Variants in CNTN1 observed in about 807,000 individuals in gnomAD.
CNTN1 encodes contactin 1, also known as contactin-1.
Under a neutral mutation model 126.4 loss-of-function variants are expected in CNTN1, and 38 were observed. The ratio of observed to expected loss-of-function variants is 0.30; its 90% CI spans 0.23 to 0.39. CNTN1 has a LOEUF of 0.39. CNTN1 is among the 10% of genes least tolerant of loss of function. The pLI, the probability that CNTN1 is intolerant of heterozygous loss-of-function variation, is 1.00. For missense variants in CNTN1, 1,009 were observed against 1,248.4 expected (o/e 0.81, Z 2.89); for synonymous variants, 413 against 422.6 (o/e 0.98, Z 0.28).
At chr12:40,899,729 A>T (rs1944540788) in intron 1 of CNTN1, among the ~76,000 whole-genome samples, 1 of 152,196 alleles carries the variant, frequency 6.6e-6, no homozygotes, top group Non-Finnish European at 1.5e-5. Flanking sequence ...GGAAAACTTG[A>T]TTAAAATGAA....
intron 1 of CNTN1, among the ~76,000 whole-genome samples, chr12:40,871,864 A>G (rs1229882195): frequency 1.3e-5 from 2 of 152,142 alleles, no homozygotes; most frequent in Non-Finnish European, 2.9e-5. Flanking sequence ...TTGGCCAACT[A>G]TGAGAAGGAA....
chr12:40,982,642 G>A (rs1274413617), intron 16 of CNTN1, among the ~76,000 whole-genome samples: 4 of 152,094 alleles, frequency 2.6e-5, no homozygotes, highest in Non-Finnish European at 5.9e-5. Context: ...AGTCCCCACT[G>A]TGTGCCAGAA....
At chr12:40,746,632 C>T (rs752443532) in intron 1 of CNTN1, among the ~76,000 whole-genome samples, 4 of 152,058 alleles carry the variant, frequency 2.6e-5, no homozygotes, top group African/African-American at 7.2e-5. Flanking sequence ...TCTTGCATCC[C>T]GTTTCCCTTG....
At chr12:40,989,961 T>C (rs1349863423) in intron 16 of CNTN1, among the ~76,000 whole-genome samples, 1 of 152,052 alleles carries the variant, frequency 6.6e-6, no homozygotes, top group Non-Finnish European at 1.5e-5. Context: ...AATTATGTAC[T>C]TCTGATGTGG....
intron 17 of CNTN1, among the ~76,000 whole-genome samples, chr12:41,009,689 G>C (rs1207631592): frequency 1.3e-5 from 2 of 152,200 alleles, no homozygotes; most frequent in South Asian, 2.1e-4. Context: ...AAGAGGCCCT[G>C]CATCATCAGG....
intron 15 of CNTN1, chr12:40,972,469 T>G: frequency 5.1e-6 from 5 of 978,674 alleles, no homozygotes; most frequent in Non-Finnish European, 6.1e-6. Context: ...CTCTTTTACT[T>G]CATCTAGCAA....
At chr12:40,712,903 C>A (rs903924742) in intron 1 of CNTN1, among the ~76,000 whole-genome samples, 4 of 152,006 alleles carry the variant, frequency 2.6e-5, no homozygotes, top group Non-Finnish European at 4.4e-5. Context: ...CCCTCATGAA[C>A]GGCTTGCTGT....
rs1941560616 is a variant in CNTN1, at chr12:40,824,908, A to C, written c.-76-83449A>C. Among the ~76,000 whole-genome samples, 3 of 152,152 alleles carry C rather than the reference A, an allele frequency of 2.0e-5. No individual in the cohort carries two copies. The South Asian group carries it at 6.2e-4, about 32-fold the overall frequency. Reference sequence around the variant, plus strand: ...AATAATTAACATTTATCTAGCAGTTATTTTACATATAGACACAGTTCTATG... The same window carrying C: ...AATAATTAACATTTATCTAGCAGTTCTTTTACATATAGACACAGTTCTATG... On this transcript the variant is annotated intron_variant, in intron 1 of 23. Coordinates refer to ENST00000551295, the MANE Select transcript of CNTN1 (RefSeq NM_001843.4).
At chr12:40,922,536 T>G (rs1015586469) in intron 5 of CNTN1, 108 bp downstream of exon 5, 23 of 995,194 alleles carry the variant, frequency 2.3e-5, no homozygotes, top group Non-Finnish European at 3.3e-5. Context: ...ATGAGGTGGA[T>G]CTTACAAGAT....
At position 40,937,591 on chromosome 12, in the gene CNTN1, C is replaced by A. The variant is rs762943027; in HGVS notation, c.1132C>A (p.Leu378Met). The change falls in exon 11 of 24, where the codon CTG becomes ATG. Residue 378 changes from leucine to methionine, a missense_variant. Transcript: ENST00000551295. The part of the protein sequence containing the change: ...GYAYHKGELR[L>M]YDVTFENAGM... ...TCAGTATCATAAAGGGGAATTAAGA[C>A]TGTATGATGTGACTTTTGAAAATGC... 1 of 1,606,414 alleles carries A rather than the reference C, an allele frequency of 6.2e-7. No individual in the cohort carries two copies.
intron 1 of CNTN1, among the ~76,000 whole-genome samples, chr12:40,752,522 G>T (rs976301598): frequency 1.2e-4 from 18 of 152,006 alleles, no homozygotes; most frequent in African/African-American, 4.1e-4. Flanking sequence ...AGAGGATCGG[G>T]CTTACCTCAC....
At position 40,992,071 on chromosome 12, in the gene CNTN1, G is replaced by A. The variant is rs190425031; in HGVS notation, c.1964-1049G>A. On this transcript the variant is annotated intron_variant, in intron 16 of 23. Coordinates refer to ENST00000551295, the MANE Select transcript of CNTN1 (RefSeq NM_001843.4). ...AATCTTAATAAATCAAAACAGAGGC[G>A]AAGGTAAAGGGAAAATTTTAATCAG... Among the ~76,000 whole-genome samples the A allele has an allele frequency of 3.6e-3, 550 of 152,280 alleles. 2 individuals carry two copies. Among genetic ancestry groups the A allele is most frequent in the African/African-American group, 0.012 (498 of 41,558 alleles).
chr12:40,984,773 G>A (rs190853488), intron 16 of CNTN1, among the ~76,000 whole-genome samples: 3 of 151,980 alleles, frequency 2.0e-5, no homozygotes, highest in East Asian at 3.9e-4. Context: ...CCTTTGTGCA[G>A]CTAGTATCAA....
chr12:41,055,472 G>C (rs1290022632), intron 23 of CNTN1, among the ~76,000 whole-genome samples: 5 of 151,766 alleles, frequency 3.3e-5, no homozygotes, highest in African/African-American at 1.2e-4. Context: ...CCTCCTTTTT[G>C]CTCCCCTCAT....
intron 14 of CNTN1, among the ~76,000 whole-genome samples, chr12:40,956,263 A>G (rs757813381): frequency 7.2e-5 from 11 of 152,142 alleles, no homozygotes; most frequent in Non-Finnish European, 1.5e-4. Context: ...GTATACATAT[A>G]TAACACAGGG....
chr12:40,814,164 A>T (rs140578649), intron 1 of CNTN1, among the ~76,000 whole-genome samples: 160 of 152,244 alleles, frequency 1.1e-3, no homozygotes, highest in African/African-American at 3.7e-3. Context: ...CACTCTGATG[A>T]TAGCTTCTTT....
chr12:41,039,375 A>G (rs1395123603), intron 23 of CNTN1, among the ~76,000 whole-genome samples: 1 of 152,172 alleles, frequency 6.6e-6, no homozygotes, highest in Non-Finnish European at 1.5e-5. Flanking sequence ...GGAAGACCCA[A>G]CAGTATTTTC....
chr12:41,065,940 T>G (rs1247062329), intron 23 of CNTN1, among the ~76,000 whole-genome samples: 1 of 152,256 alleles, frequency 6.6e-6, no homozygotes, highest in African/African-American at 2.4e-5. Flanking sequence ...TTCTCAAACG[T>G]GCTGTCCCAG....
At chr12:40,922,523 TAGATGAGGTGGATCTTACA>T (rs1737979005) in intron 5 of CNTN1, 95 bp downstream of exon 5, 1 of 1,153,282 alleles carries the variant, frequency 8.7e-7, no homozygotes, top group Non-Finnish European at 1.3e-6. Context: ...GAAGGCATCA[TAGATGAGGTGGATCTTACA>T]AGATGAGTGG....
Sources: allele counts gnomAD v4.1 joint callset (sites outside exome capture counted in the v4.1 genomes callset), GRCh38; gene constraint gnomAD v4.1.1; transcripts MANE v1.5; gene names NCBI Gene and HGNC (gene_info 2026-07-23, HGNC 2026-07-21).